The following HSD17B12 variants were observed in gnomAD, a reference collection of about 807,000 sequenced individuals.
HSD17B12 encodes the protein hydroxysteroid 17-beta dehydrogenase 12, also known as very-long-chain 3-oxoacyl-CoA reductase.
Under a neutral mutation model 39.3 loss-of-function variants are expected in HSD17B12, and 32 were observed. That is an observed-to-expected ratio of 0.81 (90% CI 0.61 to 1.09). The LOEUF (loss-of-function observed/expected upper bound fraction) is 1.09, where lower values mean the gene tolerates loss of function less well. Ranked by LOEUF, HSD17B12 falls within the 50% of genes least tolerant of loss-of-function variation. The pLI is 0.00. For missense variants in HSD17B12, 342 were observed against 382.9 expected (o/e 0.89, Z 0.89); for synonymous variants, 150 against 146.7 (o/e 1.02, Z -0.16).
chr11:43,750,637 A>C (rs1379233465), intron 1 of HSD17B12, among the ~76,000 whole-genome samples: 1 of 152,210 alleles, frequency 6.6e-6, no homozygotes, highest in Non-Finnish European at 1.5e-5. Flanking sequence ...GGCAAATAGT[A>C]TTTTCCAAAA....
At chr11:43,740,504 A>C (rs1484761540) in intron 1 of HSD17B12, among the ~76,000 whole-genome samples, 1 of 152,240 alleles carries the variant, frequency 6.6e-6, no homozygotes, top group Admixed American at 6.5e-5. Flanking sequence ...CAGTAAAAGA[A>C]GAAATGATTG....
chr11:43,672,993 T>C, the HSD17B12 span: 1 of 152,182 alleles, frequency 6.6e-6, no homozygotes, highest in South Asian at 2.1e-4. Context: ...TAACCCAGGA[T>C]TGGACAACTG....
chr11:43,563,358 A>T, the HSD17B12 span, among the ~76,000 whole-genome samples: 1 of 152,222 alleles, frequency 6.6e-6, no homozygotes, highest in Non-Finnish European at 1.5e-5. Flanking sequence ...GCAATGATAA[A>T]GCCCTCGCCT....
chr11:43,597,987 A>G, the HSD17B12 span, among the ~76,000 whole-genome samples: 1 of 152,070 alleles, frequency 6.6e-6, no homozygotes, highest in Admixed American at 6.5e-5. Context: ...GAGAGTTGTG[A>G]CAGTGCTTGA....
chr11:43,753,495 C>T (rs1476355603), intron 2 of HSD17B12, among the ~76,000 whole-genome samples: 4 of 147,686 alleles, frequency 2.7e-5, no homozygotes, highest in African/African-American at 1.0e-4. Context: ...CTCAGGTGAT[C>T]CTCCCACCTC....
chr11:43,603,725 G>A, the HSD17B12 span, among the ~76,000 whole-genome samples: 2 of 152,052 alleles, frequency 1.3e-5, no homozygotes, highest in African/African-American at 4.8e-5. Flanking sequence ...TTGAGGTTTT[G>A]GTTCTTGGAT....
chr11:43,837,232 T>C (rs757509620), intron 7 of HSD17B12, among the ~76,000 whole-genome samples: 2 of 152,182 alleles, frequency 1.3e-5, no homozygotes, highest in Non-Finnish European at 2.9e-5. Flanking sequence ...GTATCCTTTA[T>C]TATTTTGCAT....
At chr11:43,803,282 C>T (rs925556970) in intron 4 of HSD17B12, among the ~76,000 whole-genome samples, 15 of 152,070 alleles carry the variant, frequency 9.9e-5, no homozygotes, top group Admixed American at 9.8e-4. Flanking sequence ...GAATTTATAG[C>T]CCCATCAACT....
chr11:43,583,131 C>T, the HSD17B12 span, among the ~76,000 whole-genome samples: 58 of 152,302 alleles, frequency 3.8e-4, no homozygotes, highest in African/African-American at 1.3e-3. Context: ...TCTCCCAAAG[C>T]CTGAACCTTC....
At chr11:43,658,292 T>C in the HSD17B12 span, among the ~76,000 whole-genome samples, 3 of 152,184 alleles carry the variant, frequency 2.0e-5, no homozygotes, top group African/African-American at 7.2e-5. Context: ...TATGCATTCG[T>C]CTAGTTTTTT....
At chr11:43,848,742 GTTGGTCTGATTATAACCAATGCTGA>G (rs1482235466) in intron 9 of HSD17B12, among the ~76,000 whole-genome samples, 2 of 152,170 alleles carry the variant, frequency 1.3e-5, no homozygotes, top group African/African-American at 4.8e-5. Flanking sequence ...TTGAATCCAA[GTTGGTCTGATTATAACCAATGCTGA>G]TTTTTTTTTC....
chr11:43,753,917 T>A, intron 2 of HSD17B12, 129 bp from the exon 3 acceptor site: 1 of 555,596 alleles, frequency 1.8e-6, no homozygotes, highest in South Asian at 3.2e-5. Context: ...TTGGATTATG[T>A]CTTCATTACA....
chr11:43,835,325 T>A (rs1229701780), intron 7 of HSD17B12, among the ~76,000 whole-genome samples: 2 of 152,078 alleles, frequency 1.3e-5, no homozygotes, highest in Admixed American at 1.3e-4. Flanking sequence ...ACAACACGGT[T>A]GATTTAAAGG....
chr11:43,637,653 T>A, the HSD17B12 span, among the ~76,000 whole-genome samples: 1 of 152,146 alleles, frequency 6.6e-6, no homozygotes, highest in African/African-American at 2.4e-5. Flanking sequence ...TACAGAATGG[T>A]TTTTTAGAGA....
the HSD17B12 span, among the ~76,000 whole-genome samples, chr11:43,622,320 A>T: frequency 6.6e-6 from 1 of 152,134 alleles, no homozygotes; most frequent in Non-Finnish European, 1.5e-5. Flanking sequence ...ACTCAATAAT[A>T]GGTTTTATTA....
the HSD17B12 span, among the ~76,000 whole-genome samples, chr11:43,579,787 G>T: frequency 6.6e-6 from 1 of 152,002 alleles, no homozygotes; most frequent in Non-Finnish European, 1.5e-5. Context: ...GATGGGCGAA[G>T]GGGGTGGGTC....
intron 1 of HSD17B12, among the ~76,000 whole-genome samples, chr11:43,703,216 A>T (rs1388214286): frequency 6.6e-6 from 1 of 151,852 alleles, no homozygotes; most frequent in Non-Finnish European, 1.5e-5. Flanking sequence ...TTTTTTTGAG[A>T]CGGAGTCTCG....
intron 1 of HSD17B12, among the ~76,000 whole-genome samples, chr11:43,714,106 G>A (rs923867335): frequency 1.7e-4 from 26 of 152,164 alleles, no homozygotes; most frequent in Non-Finnish European, 3.4e-4. Context: ...TTCTTTTGCT[G>A]TGCAGAAGCT....
chr11:43,839,124 C>T (rs925256985), intron 8 of HSD17B12, among the ~76,000 whole-genome samples: 6 of 152,004 alleles, frequency 3.9e-5, no homozygotes, highest in African/African-American at 7.2e-5. Flanking sequence ...ATTAAGCAGG[C>T]TTTTAGGGAA....
Sources: gnomAD v4.1 joint callset for allele counts (sites outside exome capture counted in the v4.1 genomes callset) on GRCh38, gnomAD v4.1.1 for gene constraint, MANE v1.5 for transcripts, NCBI Gene and HGNC (gene_info 2026-07-23, HGNC 2026-07-21) for gene names.